TTC28: variants seen among roughly 807,000 people sequenced by gnomAD.
TTC28 encodes tetratricopeptide repeat domain 28, also known as tetratricopeptide repeat protein 28.
A neutral mutation model predicts 198.0 loss-of-function variants in TTC28; 61 were observed. That is an observed-to-expected ratio of 0.31 (90% confidence interval 0.25 to 0.38). The LOEUF is 0.38. Among genes scored for constraint, TTC28 ranks in the 10% least tolerant of loss-of-function variants. TTC28 has a pLI of 1.00. For synonymous variants in TTC28, 1,171 were observed against 1,297.8 expected, an observed-to-expected ratio of 0.90 and a Z score of 2.10; for missense variants, 2,678 against 3,164.0, an observed-to-expected ratio of 0.85 and a Z score of 3.69.
intron 2 of TTC28, among the ~76,000 whole-genome samples, chr22:28,511,300 A>T (rs941418121): frequency 2.0e-5 from 3 of 152,162 alleles, no homozygotes; most frequent in African/African-American, 7.2e-5. Flanking sequence ...GTACTGGTAC[A>T]AAAACAGACA....
chr22:28,234,512 A>G (rs1929084091), intron 5 of TTC28, among the ~76,000 whole-genome samples: 2 of 151,738 alleles, frequency 1.3e-5, no homozygotes, highest in South Asian at 4.2e-4. Context: ...AGCTGGGATT[A>G]TAGGTGTGCA....
chr22:28,009,108 G>A (rs1048742214), intron 14 of TTC28, among the ~76,000 whole-genome samples: 3 of 152,170 alleles, frequency 2.0e-5, no homozygotes, highest in African/African-American at 4.8e-5. Flanking sequence ...TGGCTCATGT[G>A]CAAATGCAAC....
At chr22:28,016,324 C>T (rs1938374723) in intron 13 of TTC28, among the ~76,000 whole-genome samples, 1 of 152,226 alleles carries the variant, frequency 6.6e-6, no homozygotes, top group Admixed American at 6.5e-5. Flanking sequence ...GCAATTCTCC[C>T]CTCAAGGAGA....
chr22:28,483,579 G>A (rs1380642645), intron 2 of TTC28, among the ~76,000 whole-genome samples: 1 of 151,936 alleles, frequency 6.6e-6, no homozygotes, highest in African/African-American at 2.4e-5. Context: ...AAAGATCCTT[G>A]CTATTTATTT....
At chr22:28,205,770 C>T (rs553210499) in intron 5 of TTC28, among the ~76,000 whole-genome samples, 2 of 152,082 alleles carry the variant, frequency 1.3e-5, no homozygotes, top group Middle Eastern at 3.4e-3. Flanking sequence ...TTCCTTTCCC[C>T]GTCCATGAAT....
chr22:28,399,015 C>CTT (rs77161387), intron 2 of TTC28, among the ~76,000 whole-genome samples: 27 of 135,214 alleles, frequency 2.0e-4, no homozygotes, highest in East Asian at 8.5e-4. Flanking sequence ...GTTATTTTGC[C>CTT]TTTTTTTTTT....
intron 5 of TTC28, among the ~76,000 whole-genome samples, chr22:28,164,863 G>C (rs1921712686): frequency 2.0e-5 from 3 of 152,116 alleles, no homozygotes; most frequent in Non-Finnish European, 4.4e-5. Context: ...GAAGGCTTCA[G>C]ATGATCAAAC....
intron 12 of TTC28, among the ~76,000 whole-genome samples, chr22:28,071,748 G>GAAAAA (rs371615737): frequency 4.4e-5 from 4 of 91,134 alleles, no homozygotes; most frequent in Non-Finnish European, 4.6e-5. Context: ...AAAAAAAAAG[G>GAAAAA]AAAAAAAAAA....
At chr22:28,202,491 C>T (rs1003446164) in intron 5 of TTC28, among the ~76,000 whole-genome samples, 1 of 150,986 alleles carries the variant, frequency 6.6e-6, no homozygotes, top group Admixed American at 6.6e-5. Context: ...GAGCCAAGAT[C>T]GCACCACTGC....
chr22:28,175,681 C>T (rs545294792), intron 5 of TTC28, among the ~76,000 whole-genome samples: 5 of 151,898 alleles, frequency 3.3e-5, no homozygotes, highest in African/African-American at 1.2e-4. Context: ...TGCAGTGAGC[C>T]GAGATGGCAC....
In TTC28 at chr22:28,096,226, C is replaced by G. The variant is rs754631753; in HGVS notation, c.3730G>C (p.Gly1244Arg). The change falls in exon 11 of 23, where the codon GGC (glycine) becomes CGC (arginine). Residue 1244 changes from glycine (G) to arginine (R), a missense_variant. Around this residue, in one of 8 missense-constraint regions of TTC28, gnomAD observed 727 missense variants for 861.9 expected, o/e 0.84. Transcript: ENST00000397906. ...GCCAGCAGCCAGCTATACAGATAGC[C>G]TGCAGCCAGGGAATAGTAAAGCACT... ...GLVLYYSLAA[G>R]YLYSWLLAPG... is the part of the protein sequence containing the mutation. The G allele has an allele frequency of 1.3e-6, 2 of 1,550,984 alleles. No homozygotes were observed. Among genetic ancestry groups the G allele is most frequent in the Non-Finnish European group, 1.7e-6 (2 of 1,146,518 alleles).
chr22:28,215,752 C>A (rs1229517515), intron 5 of TTC28, among the ~76,000 whole-genome samples: 1 of 152,020 alleles, frequency 6.6e-6, no homozygotes, highest in Non-Finnish European at 1.5e-5. Context: ...AAACCATCTT[C>A]CTTACTGATC....
At chr22:28,077,860 G>A (rs963264885) in intron 12 of TTC28, among the ~76,000 whole-genome samples, 4 of 152,184 alleles carry the variant, frequency 2.6e-5, no homozygotes, top group South Asian at 2.1e-4. Flanking sequence ...CCCCTTGTGA[G>A]TGCTCCTTCC....
intron 22 of TTC28, 46 bp from the exon 23 acceptor site, chr22:27,983,897 T>C: frequency 1.3e-6 from 2 of 1,498,368 alleles, no homozygotes; most frequent in Non-Finnish European, 1.8e-6. Context: ...GAATTCTATA[T>C]GGTTTTGATT....
chr22:28,208,216 C>T (rs192759638), intron 5 of TTC28, among the ~76,000 whole-genome samples: 7 of 152,258 alleles, frequency 4.6e-5, no homozygotes, highest in Admixed American at 3.3e-4. Flanking sequence ...ACCCTAATTT[C>T]GTAATGACTA....
At chr22:28,267,081 T>A (rs1184260961) in intron 5 of TTC28, among the ~76,000 whole-genome samples, 2 of 152,186 alleles carry the variant, frequency 1.3e-5, no homozygotes, top group African/African-American at 4.8e-5. Context: ...TTGCTAGGAT[T>A]ATATTCACTT....
intron 2 of TTC28, among the ~76,000 whole-genome samples, chr22:28,397,079 A>G (rs1050584465): frequency 6.6e-6 from 1 of 152,220 alleles, no homozygotes; most frequent in Non-Finnish European, 1.5e-5. Flanking sequence ...AATTTAATGA[A>G]TATTTATTGA....
intron 12 of TTC28, among the ~76,000 whole-genome samples, chr22:28,058,071 G>C (rs556974236): frequency 1.3e-5 from 2 of 152,060 alleles, no homozygotes; most frequent in East Asian, 3.9e-4. Flanking sequence ...GGATATTCTA[G>C]GTCAAATATC....
intron 5 of TTC28, among the ~76,000 whole-genome samples, chr22:28,180,742 C>T (rs1923617080): frequency 6.6e-6 from 1 of 152,172 alleles, no homozygotes; most frequent in Non-Finnish European, 1.5e-5. Flanking sequence ...AGGGAAAAAA[C>T]TTCCTGAGTG....
Sources: gnomAD v4.1 joint callset for allele counts (sites outside exome capture counted in the v4.1 genomes callset) on GRCh38, gnomAD v4.1.1 for gene constraint, gnomAD v4.1.1 regional missense constraint, MANE v1.5 for transcripts, NCBI Gene and HGNC (gene_info 2026-07-23, HGNC 2026-07-21) for gene names.